The following SPINK5 variants were observed in gnomAD, a reference collection of about 807,000 sequenced individuals.
SPINK5 encodes serine peptidase inhibitor Kazal type 5.
SPINK5 carries 125 observed loss-of-function variants against 151.8 expected under a neutral mutation model. The ratio of observed to expected loss-of-function variants is 0.82; its 90% CI spans 0.71 to 0.96. The LOEUF is 0.96. Ranked by LOEUF, SPINK5 falls within the 40% of genes least tolerant of loss-of-function variation. The pLI, the probability that SPINK5 is intolerant of heterozygous loss-of-function variation, is 0.00. For synonymous variants in SPINK5, 374 were observed against 395.3 expected (o/e 0.95, Z 0.64); for missense variants, 1,194 against 1,291.9 (o/e 0.92, Z 1.16).
At position 148,095,949 on chromosome 5, in the gene SPINK5, T is replaced by G. The variant is rs557320665; in HGVS notation, c.882+44T>G. ...AATCTAGTTACAACTTGTGTGTGTG[T>G]GGGGGGGTGCGTGTGTGAGAGAGTG... On this transcript the variant is annotated intron_variant, in intron 10 of 32. Transcript: ENST00000256084. The G allele has an allele frequency of 8.6e-4, 1,241 of 1,436,142 alleles. 5 individuals are homozygous for G. The African/African-American group carries it at 0.012, about 14-fold the overall frequency. The allele number at this position is 1,436,142 out of a possible 1,614,324, so 89.0% of individuals were successfully genotyped here. A position where few individuals can be genotyped will look rare whatever the true frequency, so the allele number is the denominator to read the frequency against.
chr5:148,073,828 A>T (rs1253277605), intron 4 of SPINK5, among the ~76,000 whole-genome samples: 10 of 145,378 alleles, frequency 6.9e-5, no homozygotes, highest in African/African-American at 2.5e-4. Flanking sequence ...ACACACACAC[A>T]CACACACACA....
intron 20 of SPINK5, 56 bp from the exon 21 acceptor site, chr5:148,114,306 C>T (rs1754026149): frequency 1.9e-6 from 3 of 1,581,642 alleles, no homozygotes; most frequent in East Asian, 4.6e-5. Context: ...AGTAGGAACC[C>T]AGTAAACTAA....
intron 4 of SPINK5, among the ~76,000 whole-genome samples, chr5:148,080,888 C>G (rs550285530): frequency 3.2e-4 from 48 of 151,570 alleles, no homozygotes; most frequent in African/African-American, 1.1e-3. Flanking sequence ...TAGTCACAAC[C>G]TATATAGCAG....
chr5:148,127,876 G>C (rs900917829), intron 30 of SPINK5, among the ~76,000 whole-genome samples: 2 of 151,946 alleles, frequency 1.3e-5, no homozygotes, highest in Non-Finnish European at 2.9e-5. Flanking sequence ...CCTCTCTCTC[G>C]TAGCTGATGG....
intron 29 of SPINK5, 94 bp from the exon 30 acceptor site, chr5:148,126,889 G>A: frequency 9.2e-7 from 1 of 1,081,488 alleles, no homozygotes; most frequent in Middle Eastern, 3.1e-4. Context: ...ACCATGCCTG[G>A]CCTCTGTCAC....
intron 10 of SPINK5, 60 bp from the exon 11 acceptor site, chr5:148,097,807 T>C: frequency 6.6e-7 from 1 of 1,525,448 alleles, no homozygotes; most frequent in African/African-American, 1.4e-5. Context: ...TAAAATAACA[T>C]TTAACATTCA....
chr5:148,095,500 CTA>C (rs1753430691), intron 9 of SPINK5, among the ~76,000 whole-genome samples: 2 of 151,908 alleles, frequency 1.3e-5, no homozygotes, highest in Non-Finnish European at 1.5e-5. Context: ...TAAGAGAAGA[CTA>C]TTCGATACAA....
rs1161052579 is a variant in SPINK5, at chr5:148,065,648, C to CA, written c.81+282dup. ...AAGGAGCATTTTAAAATTTCATAAA[C>CA]AAAAAATAAATCAACTGGAAAACTA... On this transcript the variant is annotated intron_variant, in intron 2 of 32. Transcript: ENST00000256084. Among the ~76,000 whole-genome samples the CA allele has an allele frequency of 7.9e-5, 12 of 152,058 alleles. 1 individual carries two copies. The highest frequency in any genetic ancestry group is 1.9e-4 in the East Asian group (1 of 5,174).
At chr5:148,112,367 C>T (rs895740221) in intron 19 of SPINK5, among the ~76,000 whole-genome samples, 15 of 152,056 alleles carry the variant, frequency 9.9e-5, no homozygotes, top group East Asian at 1.9e-4. Context: ...GCGTCTTATT[C>T]TTTAAACAAC....
Position 148,118,450 on chromosome 5 carries a change from A to G in SPINK5, c.2126A>G (p.Glu709Gly). 1 of 1,614,136 alleles carries G rather than the reference A, an allele frequency of 6.2e-7. No homozygotes were observed. Residue 709 changes from glutamate (E) to glycine (G), a missense_variant, in exon 23 of 33, where the codon GAG (glutamate) becomes GGG (glycine). Transcript: ENST00000256084. The part of the protein sequence containing the change: ...GGGNTQDECA[E>G]YREQMKNGRL... ...CTCTGTTTTCAGGACGAATGTGCTG[A>G]GTATCGGGAACAAATGAAAAATGGA...
At chr5:148,118,183 T>C (rs1051114889) in intron 22 of SPINK5, among the ~76,000 whole-genome samples, 1 of 152,136 alleles carries the variant, frequency 6.6e-6, no homozygotes, top group Non-Finnish European at 1.5e-5. Context: ...CATGCCCAGC[T>C]AATTTTTGTA....
chr5:148,099,514 AAAAAAT>A (rs1396068543), intron 12 of SPINK5, among the ~76,000 whole-genome samples, 199 bp downstream of exon 12: 2 of 132,620 alleles, frequency 1.5e-5, no homozygotes, highest in African/African-American at 2.6e-5. Flanking sequence ...AAAAAAAAAA[AAAAAAT>A]TGTTTAAAAG....
At chr5:148,127,110 A>G in intron 30 of SPINK5, 31 bp downstream of exon 30, 1 of 1,574,014 alleles carries the variant, frequency 6.4e-7, no homozygotes, top group South Asian at 1.1e-5. Flanking sequence ...AAAGCTACTT[A>G]TCAATTTAAT....
intron 28 of SPINK5, 23 bp from the exon 29 acceptor site, chr5:148,125,700 A>T: frequency 6.2e-7 from 1 of 1,614,208 alleles, no homozygotes; most frequent in Non-Finnish European, 8.5e-7. Flanking sequence ...AGCCATGTTC[A>T]CTTTCCCTTT....
intron 11 of SPINK5, among the ~76,000 whole-genome samples, chr5:148,098,828 C>G (rs992543516): frequency 6.6e-6 from 1 of 151,990 alleles, no homozygotes. Flanking sequence ...CAAAGACCCC[C>G]TCTACCTCTC....
chr5:148,070,963 G>A (rs1008119048), intron 3 of SPINK5, among the ~76,000 whole-genome samples: 1 of 152,030 alleles, frequency 6.6e-6, no homozygotes, highest in African/African-American at 2.4e-5. Context: ...AGGATGAGAT[G>A]AACTAAAGGG....
At chr5:148,084,467 G>A (rs138228771) in intron 4 of SPINK5, among the ~76,000 whole-genome samples, 3 of 151,910 alleles carry the variant, frequency 2.0e-5, no homozygotes, top group South Asian at 4.2e-4. Flanking sequence ...GGAAGGAGAT[G>A]GAGTCATATA....
intron 4 of SPINK5, among the ~76,000 whole-genome samples, chr5:148,084,658 A>C (rs1753106959): frequency 6.6e-6 from 1 of 151,842 alleles, no homozygotes; most frequent in South Asian, 2.1e-4. Context: ...TAGTATCTTC[A>C]GGAATGATTT....
chr5:148,089,169 A>T, intron 6 of SPINK5: 1 of 474,740 alleles, frequency 2.1e-6, no homozygotes, highest in Non-Finnish European at 4.2e-6. Flanking sequence ...GACTTGCACC[A>T]AGTCATTTAG....
Sources: allele counts gnomAD v4.1 joint callset (sites outside exome capture counted in the v4.1 genomes callset), GRCh38; gene constraint gnomAD v4.1.1; transcripts MANE v1.5; gene names NCBI Gene and HGNC (gene_info 2026-07-23, HGNC 2026-07-21).